The following CAST variants were observed in gnomAD, a reference collection of about 807,000 sequenced individuals.
CAST encodes the protein calpastatin.
Under a neutral mutation model 119.6 loss-of-function variants are expected in CAST, and 76 were observed. The observed-to-expected ratio is 0.64, with a 90% CI of 0.53 to 0.77. The LOEUF (loss-of-function observed/expected upper bound fraction) is 0.77, where lower values mean the gene tolerates loss of function less well. Among genes scored for constraint, CAST ranks in the 30% least tolerant of loss-of-function variants. The pLI is 0.00. For missense variants in CAST, 953 were observed against 946.5 expected (o/e 1.01, Z -0.09); for synonymous variants, 319 against 331.6 (o/e 0.96, Z 0.41).
chr5:96,205,760 T>C, the CAST span, among the ~76,000 whole-genome samples: 1 of 152,112 alleles, frequency 6.6e-6, no homozygotes, highest in Non-Finnish European at 1.5e-5. Flanking sequence ...CTATTCTGAA[T>C]AGTACTTTGA....
chr5:96,661,571 A>C (rs1384057411), upstream of CAST, among the ~76,000 whole-genome samples: 1 of 152,196 alleles, frequency 6.6e-6, no homozygotes, highest in African/African-American at 2.4e-5. Flanking sequence ...ATTGTGAACC[A>C]GCAGCAACTG....
chr5:96,375,376 C>T, the CAST span, among the ~76,000 whole-genome samples: 2 of 151,498 alleles, frequency 1.3e-5, no homozygotes, highest in Non-Finnish European at 2.9e-5. Flanking sequence ...GAAAATAAGT[C>T]CTGAATCATC....
At chr5:96,085,263 A>T in the CAST span, among the ~76,000 whole-genome samples, 1 of 152,218 alleles carries the variant, frequency 6.6e-6, no homozygotes, top group Non-Finnish European at 1.5e-5. Context: ...TCCTGTCAGA[A>T]ATTCTACCAG....
At chr5:96,514,030 C>A in the CAST span, among the ~76,000 whole-genome samples, 31 of 152,154 alleles carry the variant, frequency 2.0e-4, no homozygotes, top group East Asian at 1.2e-3. Flanking sequence ...GGTGTCAGTG[C>A]CTCTTCTCTT....
the CAST span, among the ~76,000 whole-genome samples, chr5:96,448,491 G>T: frequency 6.6e-6 from 1 of 152,136 alleles, no homozygotes; most frequent in Admixed American, 6.5e-5. Flanking sequence ...TAGCTGCAAT[G>T]GAAACAGTTT....
the CAST span, among the ~76,000 whole-genome samples, chr5:96,138,867 T>C: frequency 3.9e-5 from 6 of 152,160 alleles, no homozygotes; most frequent in Non-Finnish European, 7.4e-5. Flanking sequence ...TCATTGCTAT[T>C]TGTAAATACA....
At chr5:96,105,497 C>T in the CAST span, among the ~76,000 whole-genome samples, 10,332 of 151,976 alleles carry the variant, frequency 0.068, 539 homozygotes, top group Non-Finnish European at 0.092. Flanking sequence ...GATAATCATG[C>T]GGTTTTTGTC....
chr5:96,428,003 A>C, the CAST span, among the ~76,000 whole-genome samples: 43 of 152,194 alleles, frequency 2.8e-4, no homozygotes, highest in Non-Finnish European at 5.4e-4. Context: ...AAGAGCTAGC[A>C]GTGGGTGTAG....
the CAST span, among the ~76,000 whole-genome samples, chr5:96,406,409 G>A: frequency 6.6e-6 from 1 of 152,262 alleles, no homozygotes; most frequent in African/African-American, 2.4e-5. Flanking sequence ...TCTGAACATA[G>A]CTTTTCTGGA....
At chr5:96,510,851 G>GA in the CAST span, among the ~76,000 whole-genome samples, 5 of 152,192 alleles carry the variant, frequency 3.3e-5, no homozygotes, top group African/African-American at 1.2e-4. Context: ...GTGGATTATA[G>GA]AAAAAACAAG....
chr5:96,617,628 A>C (rs1467079821), intron 1 of CAST, among the ~76,000 whole-genome samples: 2 of 151,318 alleles, frequency 1.3e-5, no homozygotes, highest in Admixed American at 6.6e-5. Context: ...TCTCTACTAA[A>C]AATACAAAAA....
chr5:96,185,648 C>A, the CAST span, among the ~76,000 whole-genome samples: 1 of 152,284 alleles, frequency 6.6e-6, no homozygotes, highest in East Asian at 1.9e-4. Flanking sequence ...TGTTAAACAT[C>A]ACATGGTTGT....
the CAST span, among the ~76,000 whole-genome samples, chr5:96,186,554 T>G: frequency 6.6e-6 from 1 of 152,230 alleles, no homozygotes; most frequent in South Asian, 2.1e-4. Context: ...GTTTTTAACA[T>G]GAAGAGATGT....
At chr5:96,388,148 C>T in the CAST span, among the ~76,000 whole-genome samples, 4 of 152,192 alleles carry the variant, frequency 2.6e-5, no homozygotes, top group Admixed American at 6.5e-5. Context: ...GGTATAGAAA[C>T]CAGGAAAGTG....
At chr5:96,743,378 G>GA (rs1219202380) in intron 16 of CAST, among the ~76,000 whole-genome samples, 1 of 152,208 alleles carries the variant, frequency 6.6e-6, no homozygotes, top group East Asian at 1.9e-4. Flanking sequence ...TCAGTCCTCT[G>GA]GGGTGAAAGA....
the CAST span, among the ~76,000 whole-genome samples, chr5:96,431,686 T>G: frequency 5.9e-5 from 9 of 152,126 alleles, no homozygotes; most frequent in African/African-American, 1.9e-4. Flanking sequence ...TTTATAAAGT[T>G]GAGAATGAAG....
At chr5:95,961,668 C>G in the CAST span, 1 of 1,609,144 alleles carries the variant, frequency 6.2e-7, no homozygotes, top group Admixed American at 1.7e-5. Flanking sequence ...GCCGTCCGCA[C>G]GACAGCCCAT....
chr5:96,748,671 T>G, intron 19 of CAST, 58 bp downstream of exon 19: 1 of 824,922 alleles, frequency 1.2e-6, no homozygotes, highest in Non-Finnish European at 2.1e-6. Flanking sequence ...AAAAAAAAAT[T>G]GTGAGACAGA....
At chr5:96,440,860 G>A in the CAST span, among the ~76,000 whole-genome samples, 1 of 152,172 alleles carries the variant, frequency 6.6e-6, no homozygotes, top group African/African-American at 2.4e-5. Context: ...GTTAAGAGTC[G>A]ATGGAAGAAC....
Sources: gnomAD v4.1 joint callset for allele counts (sites outside exome capture counted in the v4.1 genomes callset) on GRCh38, gnomAD v4.1.1 for gene constraint, MANE v1.5 for transcripts, NCBI Gene and HGNC (gene_info 2026-07-23, HGNC 2026-07-21) for gene names.